Variants in C10orf143 observed in about 807,000 individuals in gnomAD.
C10orf143 encodes the protein chromosome 10 open reading frame 143.
intron 1 of C10orf143, among the ~76,000 whole-genome samples, chr10:130,086,684 T>C (rs1035796376): frequency 6.6e-6 from 1 of 152,176 alleles, no homozygotes; most frequent in Non-Finnish European, 1.5e-5. Context: ...ATTTTACAAG[T>C]TTCAATTTTC....
chr10:130,064,431 A>G (rs1220049952), intron 3 of C10orf143, 48 bp from the exon 4 acceptor site: 2 of 398,392 alleles, frequency 5.0e-6, no homozygotes, highest in Non-Finnish European at 8.8e-6. Flanking sequence ...ACCTTGGCCA[A>G]ATTAATACAC....
At chr10:130,043,588 T>A (rs907094324) in intron 3 of C10orf143, among the ~76,000 whole-genome samples, 3 of 152,168 alleles carry the variant, frequency 2.0e-5, no homozygotes, top group African/African-American at 7.2e-5. Flanking sequence ...ACCATGGCAC[T>A]CACGCCCAGA....
At chr10:130,055,076 T>C (rs1387609512) in intron 3 of C10orf143, among the ~76,000 whole-genome samples, 2 of 152,124 alleles carry the variant, frequency 1.3e-5, no homozygotes, top group Non-Finnish European at 2.9e-5. Flanking sequence ...ATTAAAGACT[T>C]CAATGTAAGT....
chr10:130,044,986 G>C (rs1180207752), intron 3 of C10orf143, among the ~76,000 whole-genome samples: 1 of 152,180 alleles, frequency 6.6e-6, no homozygotes, highest in East Asian at 1.9e-4. Context: ...ACTGGCATGT[G>C]GCTGATGCTC....
rs1004758513 is a variant in C10orf143, at chr10:130,044,519, C to T, written c.298-8549G>A. Among the ~76,000 whole-genome samples, 13 of 152,308 alleles carry T rather than the reference C, an allele frequency of 8.5e-5. No individual in the cohort carries two copies. The South Asian group carries it at 2.7e-3, about 32-fold the overall frequency. ...AGGGGCTGGGAACCCCGGGTGTGGT[C>T]TTTGAGGAAGGGGGTTTCATTGAGG... On this transcript the variant is annotated intron_variant and NMD_transcript_variant, in intron 3 of 5. Transcript: ENST00000643056.
chr10:130,058,772 C>T (rs972130435), intron 3 of C10orf143, among the ~76,000 whole-genome samples: 19 of 151,916 alleles, frequency 1.3e-4, no homozygotes, highest in East Asian at 9.6e-4. Context: ...CCTTATCCTG[C>T]AATTCATCAA....
chr10:130,107,225 C>T, intron 1 of C10orf143: 1 of 1,321,410 alleles, frequency 7.6e-7, no homozygotes, highest in Non-Finnish European at 1.1e-6. Context: ...TGAAATGAAA[C>T]TCTACAGGAA....
At chr10:130,106,252 G>C (rs1271856938) in intron 1 of C10orf143, 1 of 1,511,656 alleles carries the variant, frequency 6.6e-7, no homozygotes, top group South Asian at 1.1e-5. Flanking sequence ...TTAGGAGTCG[G>C]CTTTATGTGG....
chr10:130,091,015 C>T (rs1345747010), intron 1 of C10orf143, among the ~76,000 whole-genome samples: 1 of 152,194 alleles, frequency 6.6e-6, no homozygotes, highest in African/African-American at 2.4e-5. Context: ...AACGTTCCTG[C>T]CTACCAGCTC....
intron 3 of C10orf143, among the ~76,000 whole-genome samples, chr10:130,055,844 G>T (rs1056709654): frequency 8.6e-5 from 13 of 151,416 alleles, no homozygotes; most frequent in African/African-American, 3.2e-4. Flanking sequence ...TACTTGGGAG[G>T]CTGAGGCAGG....
intron 1 of C10orf143, chr10:130,107,410 G>C (rs1490590633): frequency 8.3e-7 from 1 of 1,207,124 alleles, no homozygotes; most frequent in Admixed American, 1.7e-5. Context: ...TTTCCCATGA[G>C]AAAAAGGCAC....
At chr10:130,101,235 T>C (rs1210579890) in intron 1 of C10orf143, 1 of 151,304 alleles carries the variant, frequency 6.6e-6, no homozygotes, top group Admixed American at 6.6e-5. Context: ...AAAAAAAATC[T>C]ATCTATTTAT....
rs78769750 is a variant in C10orf143 at position 130,057,312 on chromosome 10, T to G, written c.298-21342A>C. On this transcript the variant is annotated intron_variant and NMD_transcript_variant, in intron 3 of 5. Transcript: ENST00000643056. ...CTGTTGTACAACCATCATCCCCCTA[T>G]CCATCTCCAGAACTCTCATCTTCCC... Among the ~76,000 whole-genome samples the G allele has an allele frequency of 9.4e-3, 1,432 of 152,234 alleles. 26 individuals are homozygous for G. The highest frequency in any genetic ancestry group is 0.033 in the African/African-American group (1,363 of 41,514).
At chr10:130,071,256 C>T (rs1861028374) in intron 3 of C10orf143, among the ~76,000 whole-genome samples, 1 of 152,180 alleles carries the variant, frequency 6.6e-6, no homozygotes, top group Non-Finnish European at 1.5e-5. Flanking sequence ...TTCTAGCTTA[C>T]CAGAAATGCC....
rs561816040 is a variant in C10orf143 at position 130,079,551 on chromosome 10, G to A, written c.297+15C>T. On this transcript the variant is annotated intron_variant, in intron 3 of 3. Coordinates refer to ENST00000637128, the MANE Select transcript of C10orf143 (RefSeq NM_001355042.2). ...TCTATCTTTTATGTCACAGCAAGAA[G>A]GTTAATGCACTTACAGATTCCCCTG... 1.0e-5 allele frequency: 4 copies of A among 399,022 alleles called. No individual in the cohort carries two copies. The East Asian group carries it at 1.4e-4, about 14-fold the overall frequency. The allele number at this position is 399,022 out of a possible 1,614,324, so 24.7% of individuals were successfully genotyped here.
intron 3 of C10orf143, among the ~76,000 whole-genome samples, chr10:130,053,659 G>A (rs1033509889): frequency 6.6e-6 from 1 of 152,220 alleles, no homozygotes; most frequent in African/African-American, 2.4e-5. Flanking sequence ...GGGTAGCACA[G>A]CAGCCAAGAG....
chr10:130,094,619 C>T (rs982062345), intron 1 of C10orf143, among the ~76,000 whole-genome samples: 1 of 152,138 alleles, frequency 6.6e-6, no homozygotes, highest in African/African-American at 2.4e-5. Flanking sequence ...GAACCAATGA[C>T]AAAAACCACA....
intron 1 of C10orf143, among the ~76,000 whole-genome samples, chr10:130,109,557 A>C (rs148396698): frequency 7.7e-4 from 117 of 152,252 alleles, no homozygotes; most frequent in Non-Finnish European, 1.2e-4. Context: ...CTAACCTGCT[A>C]TATTACTGTA....
At chr10:130,098,794 C>T (rs2252788) in intron 1 of C10orf143, among the ~76,000 whole-genome samples, 96,451 of 151,974 alleles carry the variant, frequency 0.63, 30,882 homozygotes, top group Admixed American at 0.72. Flanking sequence ...TGCCAAAAAT[C>T]AGAAATGATT....
Sources: allele counts gnomAD v4.1 joint callset (sites outside exome capture counted in the v4.1 genomes callset), GRCh38; gene constraint gnomAD v4.1.1; transcripts MANE v1.5; gene names NCBI Gene and HGNC (gene_info 2026-07-23, HGNC 2026-07-21).